The following DPH6 variants were observed in gnomAD, a reference collection of about 807,000 sequenced individuals.
The protein encoded by DPH6 is diphthine--ammonia ligase.
Under a neutral mutation model 38.2 loss-of-function variants are expected in DPH6, and 33 were observed. The observed-to-expected ratio is 0.86, with a 90% confidence interval of 0.65 to 1.15. DPH6 has a LOEUF of 1.15. DPH6 is among the 50% of genes most tolerant of loss of function. The probability of loss-of-function intolerance (pLI) is 0.00; values close to 1 mark genes in which losing one functional copy is unlikely to be tolerated. For synonymous variants in DPH6, 108 were observed against 103.0 expected (o/e 1.05, Z -0.30); for missense variants, 325 against 320.0 (o/e 1.02, Z -0.12).
chr15:35,426,131 T>G (rs1288560888), intron 5 of DPH6, among the ~76,000 whole-genome samples: 1 of 151,424 alleles, frequency 6.6e-6, no homozygotes. Context: ...TTTTCTTAAG[T>G]TGAAAATGGT....
intron 3 of DPH6, among the ~76,000 whole-genome samples, chr15:35,229,622 G>A (rs941900691): frequency 1.3e-5 from 2 of 151,976 alleles, no homozygotes; most frequent in Non-Finnish European, 2.9e-5. Context: ...TCTGTGTCTG[G>A]GCATTGAAGA....
chr15:35,518,494 TG>T (rs1401824560), intron 3 of DPH6, among the ~76,000 whole-genome samples: 1 of 152,076 alleles, frequency 6.6e-6, no homozygotes, highest in Admixed American at 6.5e-5. Flanking sequence ...TGTTTTGTTT[TG>T]TTTTTTTGAG....
chr15:35,497,018 A>G (rs1021306358), intron 3 of DPH6, among the ~76,000 whole-genome samples: 2 of 152,126 alleles, frequency 1.3e-5, no homozygotes, highest in African/African-American at 4.8e-5. Flanking sequence ...CTAAACTTTA[A>G]TCAGTTTAAA....
chr15:35,437,186 A>G (rs973208441), intron 5 of DPH6, among the ~76,000 whole-genome samples: 1 of 152,092 alleles, frequency 6.6e-6, no homozygotes, highest in Non-Finnish European at 1.5e-5. Flanking sequence ...GGTATTCACT[A>G]GGAAGAAAAT....
chr15:35,409,309 T>G (rs1283934301), intron 6 of DPH6, among the ~76,000 whole-genome samples: 1 of 151,636 alleles, frequency 6.6e-6, no homozygotes, highest in Non-Finnish European at 1.5e-5. Context: ...TTGAGGAGAA[T>G]GGAGAAGGAA....
intron 3 of DPH6, among the ~76,000 whole-genome samples, chr15:35,523,273 T>G (rs1213451296): frequency 8.2e-5 from 12 of 147,082 alleles, no homozygotes; most frequent in Admixed American, 5.5e-4. Flanking sequence ...CATTTGAATG[T>G]ACTTCTCTGT....
At chr15:35,442,487 A>G (rs1201192306) in intron 5 of DPH6, among the ~76,000 whole-genome samples, 1 of 152,194 alleles carries the variant, frequency 6.6e-6, no homozygotes, top group Non-Finnish European at 1.5e-5. Flanking sequence ...AACGTTAAAC[A>G]TAGAATTATC....
At chr15:35,237,341 C>A (rs549610830) in intron 3 of DPH6, 7 of 1,593,076 alleles carry the variant, frequency 4.4e-6, no homozygotes, top group Non-Finnish European at 4.3e-6. Context: ...GATGGGCAGA[C>A]GGATTCATTT....
chr15:35,235,585 G>C (rs2051545642), intron 3 of DPH6, among the ~76,000 whole-genome samples: 1 of 152,240 alleles, frequency 6.6e-6, no homozygotes. Context: ...AGAGAATAGA[G>C]AGAGCCTGAT....
chr15:35,366,780 C>T (rs1454865568), downstream of DPH6, among the ~76,000 whole-genome samples: 4 of 151,908 alleles, frequency 2.6e-5, no homozygotes, highest in Non-Finnish European at 1.5e-5. Context: ...TTCAGGTTAG[C>T]AAAACTGGAG....
At chr15:35,382,350 G>A (rs1180259775) in intron 6 of DPH6, among the ~76,000 whole-genome samples, 1 of 152,166 alleles carries the variant, frequency 6.6e-6, no homozygotes, top group African/African-American at 2.4e-5. Context: ...GCGGGAGAAT[G>A]GCGTAAACCC....
chr15:35,427,143 G>T (rs1233497081), intron 5 of DPH6, among the ~76,000 whole-genome samples: 1 of 151,914 alleles, frequency 6.6e-6, no homozygotes, highest in African/African-American at 2.4e-5. Context: ...TTTAGAGGAT[G>T]TAAGAAGCAG....
the DPH6 span, among the ~76,000 whole-genome samples, chr15:35,207,197 C>A: frequency 6.6e-6 from 1 of 151,838 alleles, no homozygotes; most frequent in Non-Finnish European, 1.5e-5. Flanking sequence ...CAGGTGTGTG[C>A]CACCATGCCC....
At chr15:35,546,065 G>T in intron 1 of DPH6, 54 bp downstream of exon 1, 1 of 1,318,388 alleles carries the variant, frequency 7.6e-7, no homozygotes, top group Non-Finnish European at 9.8e-7. Context: ...GCGGCGGCTG[G>T]AAGGGACGAG....
At chr15:35,216,065 A>G (rs534066964), downstream of DPH6, among the ~76,000 whole-genome samples, 1 of 152,256 alleles carries the variant, frequency 6.6e-6, no homozygotes, top group South Asian at 2.1e-4. Context: ...AGAGTTAAAT[A>G]GCTTTTCCAA....
intron 3 of DPH6, among the ~76,000 whole-genome samples, chr15:35,333,480 TTAGAA>T (rs1209117503): frequency 2.6e-5 from 4 of 152,128 alleles, no homozygotes; most frequent in Non-Finnish European, 4.4e-5. Flanking sequence ...CAGGCCATGA[TTAGAA>T]AGTAATAGGC....
At chr15:35,360,876 G>A (rs2052608463) in intron 3 of DPH6, among the ~76,000 whole-genome samples, 1 of 152,168 alleles carries the variant, frequency 6.6e-6, no homozygotes, top group Admixed American at 6.5e-5. Flanking sequence ...TTGGGTGTGA[G>A]GTCAGCAGGC....
At chr15:35,196,456 T>A in the DPH6 span, among the ~76,000 whole-genome samples, 1 of 152,188 alleles carries the variant, frequency 6.6e-6, no homozygotes, top group Non-Finnish European at 1.5e-5. Flanking sequence ...GCTTCCTGCC[T>A]CAGCTGTTTT....
intron 3 of DPH6, among the ~76,000 whole-genome samples, chr15:35,524,038 T>C (rs960958416): frequency 1.1e-4 from 17 of 151,950 alleles, no homozygotes; most frequent in African/African-American, 3.9e-4. Flanking sequence ...CTTGCAAAGC[T>C]ATTACCTAAA....
Sources: allele counts gnomAD v4.1 joint callset (sites outside exome capture counted in the v4.1 genomes callset), GRCh38; gene constraint gnomAD v4.1.1; transcripts MANE v1.5; gene names NCBI Gene and HGNC (gene_info 2026-07-23, HGNC 2026-07-21).